The following ZEB1 variants were observed in gnomAD, a reference collection of about 807,000 sequenced individuals.
ZEB1 encodes the protein zinc finger E-box-binding homeobox 1.
In ZEB1, 21 loss-of-function variants were observed where a neutral mutation model predicts 84.9. The observed-to-expected ratio is 0.25, with a 90% CI of 0.18 to 0.36. The LOEUF is 0.36. Among genes scored for constraint, ZEB1 ranks in the 10% least tolerant of loss-of-function variants. ZEB1 has a pLI of 1.00. For missense variants in ZEB1, 1,104 were observed against 1,330.2 expected, an observed-to-expected ratio of 0.83 and a Z score of 2.65; for synonymous variants, 420 against 471.1, an observed-to-expected ratio of 0.89 and a Z score of 1.41.
chr10:31,451,354 A>C (rs2060543784), intron 1 of ZEB1, among the ~76,000 whole-genome samples: 1 of 152,116 alleles, frequency 6.6e-6, no homozygotes, highest in South Asian at 2.1e-4. Flanking sequence ...GTAGGCTGGT[A>C]ATTTATCTTT....
At chr10:31,321,933 G>T in intron 1 of ZEB1, 1 of 235,622 alleles carries the variant, frequency 4.2e-6, no homozygotes, top group Non-Finnish European at 8.5e-6. Flanking sequence ...TCAAGGGAGG[G>T]ATTTATTTAC....
At chr10:31,501,722 A>T (rs1387747152) in intron 3 of ZEB1, among the ~76,000 whole-genome samples, 1 of 152,156 alleles carries the variant, frequency 6.6e-6, no homozygotes, top group African/African-American at 2.4e-5. Context: ...ACATACATAC[A>T]TATGATAAAG....
rs2073528743 is a variant in ZEB1 at position 31,526,772 on chromosome 10, A to G, written c.2886A>G (p.Gln962=). The G allele has an allele frequency of 6.2e-7, 1 of 1,614,114 alleles. No homozygotes were observed. Among genetic ancestry groups the G allele is most frequent in the South Asian group, 1.1e-5 (1 of 91,086 alleles). ...TACATTCTGGAGAAAAGCCCTATCA[A>G]TGTGACAAATGTGGAAAGCGCTTCT... ...MRLHSGEKPY[Q]CDKCGKRFSH... The change falls in exon 9 of 9, where the codon CAA becomes CAG. Residue 962 remains glutamine (Q), a synonymous_variant. Coordinates refer to ENST00000424869, the MANE Select transcript of ZEB1 (RefSeq NM_001174096.2).
At chr10:31,352,606 A>G (rs2041494364) in intron 1 of ZEB1, among the ~76,000 whole-genome samples, 2 of 152,272 alleles carry the variant, frequency 1.3e-5, no homozygotes, top group African/African-American at 4.8e-5. Flanking sequence ...CCTCACTTAC[A>G]TAGCTGGCAG....
At chr10:31,456,919 T>G (rs1284844709) in intron 1 of ZEB1, among the ~76,000 whole-genome samples, 1 of 152,122 alleles carries the variant, frequency 6.6e-6, no homozygotes, top group East Asian at 1.9e-4. Context: ...CATTAAATAT[T>G]AGCAAATAAT....
chr10:31,512,919 G>C (rs2070357417), intron 5 of ZEB1, among the ~76,000 whole-genome samples: 1 of 152,158 alleles, frequency 6.6e-6, no homozygotes, highest in Non-Finnish European at 1.5e-5. Context: ...GCCAGAACCT[G>C]CTGGGCACAC....
intron 1 of ZEB1, among the ~76,000 whole-genome samples, chr10:31,410,913 T>C (rs1416048313): frequency 3.9e-5 from 6 of 152,236 alleles, no homozygotes; most frequent in Non-Finnish European, 8.8e-5. Flanking sequence ...GCTAGCAGTC[T>C]ATCTATTTTG....
In ZEB1 at chr10:31,502,428, G is replaced by A; in HGVS notation, c.403G>A (p.Asp135Asn). ...TGTTGAAGAGTTTCTACAACAACAA[G>A]ACACTGCTGTCATTTTTCCTGAGGC... ...PNVEEFLQQQ[D>N]TAVIFPEAPE... Residue 135 changes from aspartate to asparagine, a missense_variant, in exon 4 of 9, where the codon GAC becomes AAC. This residue lies in a region of ZEB1 where 162 missense variants were observed against 184.5 expected (regional missense o/e 0.88). Coordinates refer to ENST00000424869, the MANE Select transcript of ZEB1 (RefSeq NM_001174096.2). 6.2e-7 allele frequency: 1 copy of A among 1,613,880 alleles called. No homozygotes were observed. Among genetic ancestry groups the A allele is most frequent in the Non-Finnish European group, 8.5e-7 (1 of 1,179,846 alleles).
intron 1 of ZEB1, among the ~76,000 whole-genome samples, chr10:31,424,857 A>G (rs564050600): frequency 6.6e-6 from 1 of 152,004 alleles, no homozygotes; most frequent in African/African-American, 2.4e-5. Context: ...TTACATTTTC[A>G]GCTTAATCAA....
intron 1 of ZEB1, among the ~76,000 whole-genome samples, chr10:31,444,349 C>T (rs1435873904): frequency 1.3e-5 from 2 of 148,550 alleles, no homozygotes; most frequent in African/African-American, 2.5e-5. Flanking sequence ...AAAATTTTCT[C>T]CCATTTTGTA....
At chr10:31,363,318 G>A in intron 1 of ZEB1, 4 of 1,533,146 alleles carry the variant, frequency 2.6e-6, no homozygotes, top group South Asian at 2.4e-5. Context: ...CTCCAGCAGG[G>A]CTGTGTGAAC....
chr10:31,361,247 C>A, intron 1 of ZEB1: 2 of 1,598,954 alleles, frequency 1.3e-6, no homozygotes, highest in Non-Finnish European at 1.7e-6. Flanking sequence ...GGCTGGAGTG[C>A]AGTGGTGCGA....
chr10:31,475,441 A>G (rs2063997731), intron 2 of ZEB1, among the ~76,000 whole-genome samples: 2 of 152,172 alleles, frequency 1.3e-5, no homozygotes, highest in African/African-American at 4.8e-5. Flanking sequence ...CAAGAAATTC[A>G]GAGAGCACCT....
chr10:31,465,459 AAT>A lies in ZEB1; in HGVS notation c.259+4238_259+4239del, dbSNP rs372982155. 4.9e-3 allele frequency among the ~76,000 whole-genome samples: 732 copies of A among 149,746 alleles called. 7 individuals carry two copies. Among genetic ancestry groups the A allele is most frequent in the African/African-American group, 0.016 (658 of 41,156 alleles). The stretch of plus-strand genomic sequence containing the variant: ...AAAGATAAACCATGCGATTGCAAAA[AAT>A]ATATATATATATATAAAATATCAAT... On this transcript the variant is annotated intron_variant, in intron 2 of 8. Transcript: ENST00000424869.
intron 1 of ZEB1, among the ~76,000 whole-genome samples, chr10:31,414,506 T>C (rs2054866601): frequency 6.6e-6 from 1 of 152,216 alleles, no homozygotes. Context: ...ACATAAATAC[T>C]TTAAAATAAA....
intron 2 of ZEB1, among the ~76,000 whole-genome samples, chr10:31,480,726 C>A (rs1053707772): frequency 8.6e-5 from 13 of 151,882 alleles, no homozygotes; most frequent in Non-Finnish European, 1.3e-4. Flanking sequence ...ACATTTTGTC[C>A]TCTTTAAAAA....
At chr10:31,483,468 A>G (rs2065323608) in intron 2 of ZEB1, among the ~76,000 whole-genome samples, 1 of 152,036 alleles carries the variant, frequency 6.6e-6, no homozygotes, top group Non-Finnish European at 1.5e-5. Context: ...ATTAAATATG[A>G]TATCCATACA....
intron 1 of ZEB1, among the ~76,000 whole-genome samples, chr10:31,417,802 A>C (rs2055474537): frequency 6.6e-6 from 1 of 151,390 alleles, no homozygotes; most frequent in African/African-American, 2.5e-5. Flanking sequence ...GATTCAGTAA[A>C]AAAAAAAATT....
chr10:31,319,170 G>T, upstream of ZEB1: 1 of 1,138,394 alleles, frequency 8.8e-7, no homozygotes. Context: ...AGGCGGAGGG[G>T]TGGGGGGGAA....
Sources: gnomAD v4.1 joint callset for allele counts (sites outside exome capture counted in the v4.1 genomes callset) on GRCh38, gnomAD v4.1.1 for gene constraint, gnomAD v4.1.1 regional missense constraint, MANE v1.5 for transcripts, NCBI Gene and HGNC (gene_info 2026-07-23, HGNC 2026-07-21) for gene names.